The following MACF1 variants were observed in gnomAD, a reference collection of about 807,000 sequenced individuals.
MACF1 encodes microtubule-actin cross-linking factor 1.
MACF1 carries 193 observed loss-of-function variants against 854.8 expected under a neutral mutation model. That is an observed-to-expected ratio of 0.23 (90% CI 0.20 to 0.25). MACF1 has a LOEUF of 0.25. Ranked by LOEUF, MACF1 falls within the 10% of genes least tolerant of loss-of-function variation. MACF1 has a pLI of 1.00. For synonymous variants in MACF1, 3,185 were observed against 3,226.7 expected (o/e 0.99, Z 0.44); for missense variants, 7,722 against 8,929.1 (o/e 0.86, Z 5.45).
At chr1:39,367,644 G>A (rs183944752) in intron 49 of MACF1, among the ~76,000 whole-genome samples, 4 of 152,280 alleles carry the variant, frequency 2.6e-5, no homozygotes, top group African/African-American at 9.6e-5. Context: ...CAGGTGAGGT[G>A]TATTTGACTC....
chr1:39,136,203 A>G (rs547794319), intron 2 of MACF1, among the ~76,000 whole-genome samples: 1 of 152,326 alleles, frequency 6.6e-6, no homozygotes, highest in South Asian at 2.1e-4. Flanking sequence ...GAGGTCTCCA[A>G]GGAGTTCCAA....
intron 95 of MACF1, among the ~76,000 whole-genome samples, chr1:39,465,724 G>T (rs1412538318): frequency 6.6e-6 from 1 of 152,146 alleles, no homozygotes; most frequent in Non-Finnish European, 1.5e-5. Flanking sequence ...CTTTTTGAGT[G>T]CTGTGGGGTC....
rs566406389 is a variant in MACF1, at chr1:39,246,784, A to C, written c.172-3230A>C. Among the ~76,000 whole-genome samples the C allele has an allele frequency of 3.3e-5, 5 of 152,154 alleles. 1 individual carries two copies. The South Asian group carries it at 1.0e-3, about 32-fold the overall frequency. On this transcript the variant is annotated intron_variant, in intron 2 of 100. Transcript: ENST00000564288. Reference sequence around the variant, plus strand: ...CTCAGGCTCCCAAAGTGCTGAGATTACAGGTGTGAGAGGGAGGGGTTTTGA... The same window carrying C: ...CTCAGGCTCCCAAAGTGCTGAGATTCCAGGTGTGAGAGGGAGGGGTTTTGA...
Position 39,335,496 on chromosome 1 carries a change from C to T in MACF1, c.8908C>T (p.Arg2970Trp), listed in dbSNP as rs1482459525. 6.8e-6 allele frequency: 11 copies of T among 1,613,852 alleles called. No individual in the cohort carries two copies. The East Asian group carries it at 1.1e-4, about 16-fold the overall frequency. The change falls in exon 37 of 101, where the codon CGG becomes TGG. Residue 2970 changes from arginine to tryptophan, a missense_variant. Physicochemically the swap from Arg to Trp is moderately radical, Grantham distance 101 (BLOSUM62 -3). Around this residue, in one of 15 missense-constraint regions of MACF1, gnomAD observed 854 missense variants for 852.6 expected, o/e 1.00. Transcript: ENST00000564288. ...GGTTTTGCAGCAACCAATGAATGCT[C>T]GGGTGAAAAGTAAGAGAGAGAAGAG... ...EQVLQQPMNA[R>W]VKSKREKREV...
Position 39,378,534 on chromosome 1 carries a change from C to T in MACF1, c.13276+11C>T, listed in dbSNP as rs1569798761. On this transcript the variant is annotated intron_variant, in intron 53 of 100. Coordinates refer to ENST00000564288, the MANE Select transcript of MACF1 (RefSeq NM_001394062.1). ...ACCACACCTGCAAAGGTGAGAATGC[C>T]ATTTCAACAGTGCTTCTTTGTTGGA... 6.2e-7 allele frequency: 1 copy of T among 1,612,500 alleles called. No individual in the cohort carries two copies. Among genetic ancestry groups the T allele is most frequent in the Non-Finnish European group, 8.5e-7 (1 of 1,178,578 alleles).
At chr1:39,364,025 A>C (rs1189533340) in intron 49 of MACF1, among the ~76,000 whole-genome samples, 1 of 152,196 alleles carries the variant, frequency 6.6e-6, no homozygotes, top group Non-Finnish European at 1.5e-5. Flanking sequence ...CCTCAGAATA[A>C]GTTCCTAGAG....
rs370717175 is a variant in MACF1, at chr1:39,284,104, G to A, written c.954G>A (p.Val318=). ...GGTGGCAAGAATACCAAAGCCGAGT[G>A]GACTCCCTCATTCCCTGGATCAAAC... ...DSRWQEYQSR[V]DSLIPWIKQH... The change falls in exon 10 of 101, where the codon GTG becomes GTA. Residue 318 remains valine (V), a synonymous_variant. Transcript: ENST00000564288. 1 of 1,613,956 alleles carries A rather than the reference G, an allele frequency of 6.2e-7. No homozygotes were observed. Among genetic ancestry groups the A allele is most frequent in the Non-Finnish European group, 8.5e-7 (1 of 1,179,930 alleles).
intron 2 of MACF1, among the ~76,000 whole-genome samples, chr1:39,146,510 G>A (rs1457964735): frequency 1.3e-5 from 2 of 151,470 alleles, no homozygotes; most frequent in African/African-American, 2.4e-5. Context: ...AGTACTAGTC[G>A]GCCATAAAAA....
chr1:39,222,429 T>G (rs1644664430), intron 1 of MACF1, among the ~76,000 whole-genome samples: 1 of 152,284 alleles, frequency 6.6e-6, no homozygotes, highest in East Asian at 1.9e-4. Context: ...CCAGCCTACT[T>G]GTGCTTTTTT....
In MACF1 at chr1:39,289,562, C is replaced by A. The variant is rs182923319; in HGVS notation, c.1785+2000C>A. 2.9e-3 allele frequency among the ~76,000 whole-genome samples: 448 copies of A among 152,012 alleles called. 1 individual carries two copies. Among genetic ancestry groups the A allele is most frequent in the Non-Finnish European group, 4.5e-3 (307 of 67,974 alleles). On this transcript the variant is annotated intron_variant, in intron 15 of 100. Coordinates refer to ENST00000564288, the MANE Select transcript of MACF1 (RefSeq NM_001394062.1). ...TCTTTTGAGAAATATCTATTCAAAT[C>A]TTTTACTCATTTTTAATTAGATTAT...
At position 39,317,293 on chromosome 1, in the gene MACF1, C is replaced by A. The variant is rs755438282; in HGVS notation, c.3668C>A (p.Ala1223Glu). 6.2e-7 allele frequency: 1 copy of A among 1,614,058 alleles called. No homozygotes were observed. Among genetic ancestry groups the A allele is most frequent in the South Asian group, 1.1e-5 (1 of 91,080 alleles). Residue 1223 changes from alanine to glutamate, a missense_variant, in exon 29 of 101, where the codon GCA (alanine) becomes GAA (glutamate). By Grantham distance (107) the Ala-to-Glu change is moderately radical. Transcript: ENST00000564288. ...DEEIAKAKVV[A>E]EQMSRLTPER... is the part of the protein sequence containing the mutation. ...GAAATTGCCAAGGCCAAGGTAGTGG[C>A]AGAGCAGATGAGTCGTCTGACACCA...
intron 18 of MACF1, among the ~76,000 whole-genome samples, chr1:39,294,031 AC>A (rs984286663): frequency 3.9e-5 from 6 of 152,000 alleles, no homozygotes; most frequent in Admixed American, 1.3e-4. Flanking sequence ...CTTCAAAGCT[AC>A]CCCCTCCCCT....
intron 2 of MACF1, among the ~76,000 whole-genome samples, chr1:39,130,152 T>C (rs1642962314): frequency 6.6e-6 from 1 of 152,208 alleles, no homozygotes; most frequent in Admixed American, 6.5e-5. Flanking sequence ...TCAGAGTTTA[T>C]TTTTCCCCCC....
rs540133558 is a variant in MACF1 at position 39,322,747 on chromosome 1, G to A, written c.4137+32G>A. ...GGGTGGGGGAAGGAAATACACCACT[G>A]TCTTCCCTTAAGGAAAGATTCATTT... On this transcript the variant is annotated intron_variant, in intron 32 of 100. Transcript: ENST00000564288. 7 of 1,594,542 alleles carry A rather than the reference G, an allele frequency of 4.4e-6. No homozygotes were observed. In the African/African-American group the frequency reaches 6.7e-5, roughly 15 times the overall value.
At chr1:39,402,458 C>A (rs561832852) in intron 58 of MACF1, among the ~76,000 whole-genome samples, 2 of 152,124 alleles carry the variant, frequency 1.3e-5, no homozygotes, top group African/African-American at 4.8e-5. Flanking sequence ...ATAGTAGATA[C>A]CAATAAATAT....
intron 28 of MACF1, 117 bp from the exon 29 acceptor site, chr1:39,317,097 A>G: frequency 9.6e-7 from 1 of 1,037,928 alleles, no homozygotes; most frequent in Non-Finnish European, 1.4e-6. Flanking sequence ...ATTCCAGGGC[A>G]CAATCACATA....
At chr1:39,369,852 G>C (rs1027668097) in intron 50 of MACF1, among the ~76,000 whole-genome samples, 178 bp from the exon 51 acceptor site, 3 of 152,288 alleles carry the variant, frequency 2.0e-5, no homozygotes, top group Middle Eastern at 3.4e-3. Flanking sequence ...ATATTCCTGA[G>C]TTTGGTACGC....
chr1:39,200,850 G>A (rs1644381780), upstream of MACF1, among the ~76,000 whole-genome samples: 1 of 152,198 alleles, frequency 6.6e-6, no homozygotes, highest in Non-Finnish European at 1.5e-5. Context: ...CAAGGAAGGA[G>A]GATCACATGA....
intron 2 of MACF1, among the ~76,000 whole-genome samples, chr1:39,248,654 G>A (rs564765487): frequency 2.8e-4 from 42 of 152,252 alleles, no homozygotes; most frequent in East Asian, 7.7e-4. Flanking sequence ...CCTTTCTAGC[G>A]TTGTCTGGAA....
Sources: gnomAD v4.1 joint callset for allele counts (sites outside exome capture counted in the v4.1 genomes callset) on GRCh38, gnomAD v4.1.1 for gene constraint, gnomAD v4.1.1 regional missense constraint, MANE v1.5 for transcripts, NCBI Gene and HGNC (gene_info 2026-07-23, HGNC 2026-07-21) for gene names.